The following GHR variants were observed in gnomAD, a reference collection of about 807,000 sequenced individuals.
GHR encodes GH receptor.
A neutral mutation model predicts 67.1 loss-of-function variants in GHR; 35 were observed. The ratio of observed to expected loss-of-function variants is 0.52; its 90% confidence interval spans 0.40 to 0.69. The LOEUF (loss-of-function observed/expected upper bound fraction) is 0.69. Among genes scored for constraint, GHR ranks in the 30% least tolerant of loss-of-function variants. The pLI is 0.00. For synonymous variants in GHR, 272 were observed against 269.1 expected, an observed-to-expected ratio of 1.01 and a Z score of -0.10; for missense variants, 792 against 764.6, an observed-to-expected ratio of 1.04 and a Z score of -0.42.
At chr5:42,672,132 G>A (rs1371866028) in intron 3 of GHR, among the ~76,000 whole-genome samples, 2 of 152,040 alleles carry the variant, frequency 1.3e-5, no homozygotes, top group Admixed American at 6.6e-5. Flanking sequence ...AGTACTTGAA[G>A]TGCTAGCCAG....
intron 1 of GHR, among the ~76,000 whole-genome samples, chr5:42,456,276 A>G (rs1205441914): frequency 6.6e-6 from 1 of 152,250 alleles, no homozygotes; most frequent in Non-Finnish European, 1.5e-5. Context: ...GTGCCACTGC[A>G]CTGCAGCCTG....
intron 1 of GHR, among the ~76,000 whole-genome samples, chr5:42,531,795 T>C (rs1747982898): frequency 6.6e-6 from 1 of 152,164 alleles, no homozygotes; most frequent in Non-Finnish European, 1.5e-5. Context: ...TTGCTATTTG[T>C]TGCAATTCAT....
chr5:42,552,757 T>A (rs1231821289), intron 1 of GHR, among the ~76,000 whole-genome samples: 1 of 152,128 alleles, frequency 6.6e-6, no homozygotes, highest in East Asian at 1.9e-4. Flanking sequence ...ATTTGACAAC[T>A]GTGGAGTTGG....
intron 2 of GHR, among the ~76,000 whole-genome samples, chr5:42,605,623 G>A (rs1298380751): frequency 6.6e-6 from 1 of 152,204 alleles, no homozygotes; most frequent in Non-Finnish European, 1.5e-5. Context: ...TCACTCTGCA[G>A]TCCAGATAGA....
intron 1 of GHR, among the ~76,000 whole-genome samples, chr5:42,501,625 A>G (rs187080693): frequency 6.6e-6 from 1 of 152,262 alleles, no homozygotes; most frequent in East Asian, 1.9e-4. Flanking sequence ...TCTGGTCTCT[A>G]CCCACTAGAT....
At chr5:42,621,162 C>A (rs1753425389) in intron 2 of GHR, among the ~76,000 whole-genome samples, 1 of 152,000 alleles carries the variant, frequency 6.6e-6, no homozygotes, top group Non-Finnish European at 1.5e-5. Flanking sequence ...GCTAGCTGGG[C>A]AGGATGTTTT....
At chr5:42,549,391 T>C (rs1236917148) in intron 1 of GHR, among the ~76,000 whole-genome samples, 4 of 152,210 alleles carry the variant, frequency 2.6e-5, no homozygotes, top group Non-Finnish European at 5.9e-5. Flanking sequence ...AATATAAAGA[T>C]GAGCCACAGG....
At chr5:42,496,126 GT>G (rs1746311400) in intron 1 of GHR, among the ~76,000 whole-genome samples, 1 of 152,172 alleles carries the variant, frequency 6.6e-6, no homozygotes, top group Non-Finnish European at 1.5e-5. Flanking sequence ...CTCTTCTCCT[GT>G]CAAGACCAGT....
At chr5:42,492,314 G>C (rs143951761) in intron 1 of GHR, among the ~76,000 whole-genome samples, 1 of 152,308 alleles carries the variant, frequency 6.6e-6, no homozygotes, top group Non-Finnish European at 1.5e-5. Flanking sequence ...TTAGGAAAGA[G>C]ATAAATAAAA....
At chr5:42,668,161 C>A (rs1756091458) in intron 3 of GHR, among the ~76,000 whole-genome samples, 1 of 151,922 alleles carries the variant, frequency 6.6e-6, no homozygotes, top group African/African-American at 2.4e-5. Flanking sequence ...CAAAAAATAT[C>A]CAAAAGACTT....
At chr5:42,494,129 A>G (rs1433170541) in intron 1 of GHR, among the ~76,000 whole-genome samples, 3 of 152,158 alleles carry the variant, frequency 2.0e-5, no homozygotes, top group East Asian at 3.9e-4. Context: ...CATACATTCT[A>G]TAGCTGAAAT....
At chr5:42,521,173 A>T (rs573491642) in intron 1 of GHR, among the ~76,000 whole-genome samples, 1 of 152,268 alleles carries the variant, frequency 6.6e-6, no homozygotes, top group East Asian at 1.9e-4. Flanking sequence ...AGGGAATAGG[A>T]CAAGAGTCCT....
intron 1 of GHR, among the ~76,000 whole-genome samples, chr5:42,427,843 AAGTCTAATAGGGC>A: frequency 6.6e-6 from 1 of 152,294 alleles, no homozygotes; most frequent in South Asian, 2.1e-4. Flanking sequence ...TGCAAGTCCA[AAGTCTAATAGGGC>A]AGTCATTAAA....
intron 1 of GHR, among the ~76,000 whole-genome samples, chr5:42,519,502 C>T (rs1328614559): frequency 6.6e-6 from 1 of 152,144 alleles, no homozygotes; most frequent in Non-Finnish European, 1.5e-5. Flanking sequence ...ACATAAAAAG[C>T]TCTGATGTAG....
chr5:42,659,241 T>G (rs1430857813), intron 3 of GHR: 4 of 152,240 alleles, frequency 2.6e-5, no homozygotes, highest in African/African-American at 9.6e-5. Context: ...GTAACATTAC[T>G]AGCAAGTTGC....
rs568466482 is a variant in GHR at position 42,544,252 on chromosome 5, C to T, written c.-11-21612C>T. Reference sequence around the variant, plus strand: ...GATCCAGCAAGCGTGAGAAGACATACTTAGATAATTCACAGTAAATGTTCC... The same window carrying T: ...GATCCAGCAAGCGTGAGAAGACATATTTAGATAATTCACAGTAAATGTTCC... On this transcript the variant is annotated intron_variant, in intron 1 of 9. Coordinates refer to ENST00000230882, the MANE Select transcript of GHR (RefSeq NM_000163.5). Among the ~76,000 whole-genome samples, 8 of 152,230 alleles carry T rather than the reference C, an allele frequency of 5.3e-5. No individual in the cohort carries two copies. The South Asian group carries it at 1.7e-3, about 32-fold the overall frequency.
intron 1 of GHR, among the ~76,000 whole-genome samples, chr5:42,486,544 G>C (rs1379324155): frequency 6.6e-6 from 1 of 152,152 alleles, no homozygotes; most frequent in Non-Finnish European, 1.5e-5. Context: ...CTTGTAGAGA[G>C]CAAAATTAAG....
chr5:42,662,378 A>G (rs1359861656), intron 3 of GHR, among the ~76,000 whole-genome samples: 1 of 152,172 alleles, frequency 6.6e-6, no homozygotes, highest in Non-Finnish European at 1.5e-5. Context: ...CAGCAAATGG[A>G]AAAAAACAGA....
At chr5:42,642,225 C>G (rs1754513164) in intron 3 of GHR, among the ~76,000 whole-genome samples, 1 of 152,118 alleles carries the variant, frequency 6.6e-6, no homozygotes, top group Admixed American at 6.6e-5. Flanking sequence ...CTTGTTCAGG[C>G]TGCAGAATGA....
Sources: gnomAD v4.1 joint callset for allele counts (sites outside exome capture counted in the v4.1 genomes callset) on GRCh38, gnomAD v4.1.1 for gene constraint, MANE v1.5 for transcripts, NCBI Gene and HGNC (gene_info 2026-07-23, HGNC 2026-07-21) for gene names.